Variants in FRMD4A observed in about 807,000 individuals in gnomAD.
The protein encoded by FRMD4A is FERM domain-containing protein 4A.
Under a neutral mutation model 129.1 loss-of-function variants are expected in FRMD4A, and 29 were observed. That is an observed-to-expected ratio of 0.22 (90% CI 0.17 to 0.31). The LOEUF (loss-of-function observed/expected upper bound fraction) is 0.31. Ranked by LOEUF, FRMD4A falls within the 10% of genes least tolerant of loss-of-function variation. The pLI is 1.00. For synonymous variants in FRMD4A, 634 were observed against 571.6 expected (o/e 1.11, Z -1.56); for missense variants, 1,272 against 1,375.8 (o/e 0.92, Z 1.19).
intron 2 of FRMD4A, among the ~76,000 whole-genome samples, chr10:13,961,879 G>C (rs1270024091): frequency 2.6e-5 from 4 of 151,946 alleles, no homozygotes; most frequent in Non-Finnish European, 5.9e-5. Flanking sequence ...TCAATGTCTA[G>C]CACATAGAGG....
At chr10:13,965,047 T>C (rs1049309585) in intron 2 of FRMD4A, among the ~76,000 whole-genome samples, 2 of 149,762 alleles carry the variant, frequency 1.3e-5, no homozygotes, top group African/African-American at 2.5e-5. Context: ...TCAGGTAACA[T>C]TGGAATGACC....
chr10:13,708,874 T>C (rs138308190), intron 12 of FRMD4A, among the ~76,000 whole-genome samples: 2 of 152,338 alleles, frequency 1.3e-5, no homozygotes, highest in East Asian at 3.9e-4. Flanking sequence ...TTCCACGACA[T>C]TGGCCTCATA....
At chr10:14,243,865 T>G (rs1455795732) in intron 2 of FRMD4A, among the ~76,000 whole-genome samples, 1 of 149,812 alleles carries the variant, frequency 6.7e-6, no homozygotes, top group Non-Finnish European at 1.5e-5. Flanking sequence ...GCCCCAGGAC[T>G]GCAATCTAAT....
rs970495988 is a variant in FRMD4A at position 13,670,455 on chromosome 10, A to G, written c.1325T>C (p.Ile442Thr). ...TTCATCCAGTTTGAAGGCTGTTCCT[A>G]TTCTTCTCCGAACAATGGGTGGTTC... is the stretch of plus-strand genomic sequence containing the variant. ...GEEPPIVRRR[I>T]GTAFKLDEQK... The change falls in exon 17 of 25, where the codon ATA (isoleucine) becomes ACA (threonine). Residue 442 changes from isoleucine (I) to threonine (T), a missense_variant. Ile to Thr is a moderately conservative substitution (Grantham distance 89, BLOSUM62 -1). Transcript: ENST00000357447. The G allele has an allele frequency of 7.4e-6, 12 of 1,613,358 alleles. No homozygotes were observed. Among genetic ancestry groups the G allele is most frequent in the Non-Finnish European group, 9.3e-6 (11 of 1,179,576 alleles).
chr10:13,730,859 C>CAAAAAAAAA (rs10639026), intron 12 of FRMD4A, among the ~76,000 whole-genome samples: 85 of 90,822 alleles, frequency 9.4e-4, no homozygotes, highest in Middle Eastern at 6.6e-3. Context: ...ACTAAAAATA[C>CAAAAAAAAA]AAAAAAAAAA....
At chr10:14,086,540 A>T (rs1464337233) in intron 2 of FRMD4A, among the ~76,000 whole-genome samples, 1 of 152,230 alleles carries the variant, frequency 6.6e-6, no homozygotes, top group Admixed American at 6.5e-5. Context: ...TTAATTAAAA[A>T]GTATTTTATC....
chr10:13,855,078 A>G (rs1246674813), intron 3 of FRMD4A, among the ~76,000 whole-genome samples: 4 of 152,182 alleles, frequency 2.6e-5, no homozygotes, highest in Admixed American at 6.5e-5. Context: ...TCAGAGCAAT[A>G]GAGGATTTGG....
chr10:13,938,763 A>C (rs967439375), intron 2 of FRMD4A, among the ~76,000 whole-genome samples: 2 of 152,120 alleles, frequency 1.3e-5, no homozygotes, highest in Non-Finnish European at 2.9e-5. Context: ...TTGTCACAAC[A>C]TGGAAGGTGC....
At chr10:13,856,780 A>G (rs2094219702) in intron 3 of FRMD4A, among the ~76,000 whole-genome samples, 1 of 152,202 alleles carries the variant, frequency 6.6e-6, no homozygotes, top group Non-Finnish European at 1.5e-5. Flanking sequence ...AACTGCACAC[A>G]TCAGTAATTA....
At chr10:14,207,307 T>C (rs1026831709) in intron 2 of FRMD4A, among the ~76,000 whole-genome samples, 3 of 151,806 alleles carry the variant, frequency 2.0e-5, no homozygotes, top group Admixed American at 1.3e-4. Context: ...CGGATGGGGG[T>C]GGGGTGATGG....
In FRMD4A at chr10:13,848,646, G is replaced by A. The variant is rs570556896; in HGVS notation, c.111+10201C>T. ...TGTGTGTGTGTGTGTGTGTAAACGCGGCAGGGGGTTCCCTAGATGATCGCA... is the reference window on the plus strand; with the variant it reads ...TGTGTGTGTGTGTGTGTGTAAACGCAGCAGGGGGTTCCCTAGATGATCGCA... On this transcript the variant is annotated intron_variant, in intron 3 of 24. Transcript: ENST00000357447. 3.4e-5 allele frequency among the ~76,000 whole-genome samples: 5 copies of A among 147,858 alleles called. No individual in the cohort carries two copies. In the South Asian group the frequency reaches 6.4e-4, roughly 19 times the overall value.
At chr10:13,992,243 GT>G (rs1291285497) in intron 2 of FRMD4A, among the ~76,000 whole-genome samples, 1 of 152,228 alleles carries the variant, frequency 6.6e-6, no homozygotes, top group Non-Finnish European at 1.5e-5. Flanking sequence ...TATGCCAGTG[GT>G]TCAAGGGGTT....
At chr10:14,018,443 A>T (rs1206436444) in intron 2 of FRMD4A, among the ~76,000 whole-genome samples, 1 of 135,540 alleles carries the variant, frequency 7.4e-6, no homozygotes, top group African/African-American at 2.9e-5. Flanking sequence ...GCGACAATGC[A>T]AGACTCCATC....
At chr10:14,185,418 TA>T (rs1215765706) in intron 2 of FRMD4A, among the ~76,000 whole-genome samples, 2 of 152,128 alleles carry the variant, frequency 1.3e-5, no homozygotes, top group African/African-American at 4.8e-5. Flanking sequence ...ACCCTAAGCG[TA>T]AGGAGAGCTA....
chr10:13,967,935 A>G (rs1396504334), intron 2 of FRMD4A, among the ~76,000 whole-genome samples: 1 of 152,166 alleles, frequency 6.6e-6, no homozygotes, highest in Non-Finnish European at 1.5e-5. Context: ...GGTCCCAACT[A>G]CTTGGGAGGC....
chr10:14,207,141 G>T (rs1214094469), intron 2 of FRMD4A, among the ~76,000 whole-genome samples: 1 of 152,070 alleles, frequency 6.6e-6, no homozygotes, highest in African/African-American at 2.4e-5. Context: ...CAACATTCCA[G>T]AGTGTTCTGG....
At chr10:14,025,299 CT>C (rs11422286) in intron 2 of FRMD4A, among the ~76,000 whole-genome samples, 297 of 147,330 alleles carry the variant, frequency 2.0e-3, no homozygotes, top group Middle Eastern at 7.0e-3. Context: ...CCAAAGTTTG[CT>C]TTTTTTTTTT....
chr10:13,775,883 G>A (rs530149690), intron 6 of FRMD4A, among the ~76,000 whole-genome samples: 1 of 121,930 alleles, frequency 8.2e-6, no homozygotes, highest in African/African-American at 2.6e-5. Flanking sequence ...GAAAAGTGAA[G>A]GGTATGTAGT....
intron 2 of FRMD4A, among the ~76,000 whole-genome samples, chr10:13,892,782 A>AT (rs1399858950): frequency 6.6e-6 from 1 of 152,102 alleles, no homozygotes; most frequent in Non-Finnish European, 1.5e-5. Context: ...TAGAAACATC[A>AT]TTTTCCGGAG....
Sources: allele counts gnomAD v4.1 joint callset (sites outside exome capture counted in the v4.1 genomes callset), GRCh38; gene constraint gnomAD v4.1.1; transcripts MANE v1.5; gene names NCBI Gene and HGNC (gene_info 2026-07-23, HGNC 2026-07-21).